Variants in PRKN observed in about 807,000 individuals in gnomAD.
The protein encoded by PRKN is E3 ubiquitin-protein ligase parkin.
In PRKN, 56 loss-of-function variants were observed where a neutral mutation model predicts 59.5. The observed-to-expected ratio is 0.94, with a 90% CI of 0.76 to 1.18. PRKN has a LOEUF of 1.18. PRKN is among the 50% of genes most tolerant of loss of function. PRKN has a pLI of 0.00. For synonymous variants in PRKN, 250 were observed against 222.1 expected (o/e 1.13, Z -1.12); for missense variants, 657 against 596.4 (o/e 1.10, Z -1.06).
intron 1 of PRKN, among the ~76,000 whole-genome samples, chr6:162,475,989 C>T (rs62428771): frequency 0.31 from 46,198 of 150,344 alleles, 7,299 homozygotes; most frequent in East Asian, 0.48. Context: ...CCTCGTGAGC[C>T]GCCTGCCTTG....
chr6:161,667,998 T>C (rs796203794), intron 7 of PRKN, among the ~76,000 whole-genome samples: 17 of 152,298 alleles, frequency 1.1e-4, no homozygotes, highest in African/African-American at 3.8e-4. Context: ...CTTACATGAA[T>C]GTATGGATTA....
At chr6:162,331,086 T>C (rs1006186003) in intron 2 of PRKN, among the ~76,000 whole-genome samples, 2 of 151,950 alleles carry the variant, frequency 1.3e-5, no homozygotes, top group African/African-American at 4.8e-5. Flanking sequence ...CCCAGCACTT[T>C]GGGAGGCCAA....
Position 161,446,989 on chromosome 6 carries a change from T to C in PRKN, c.1084-60112A>G, listed in dbSNP as rs998891105. ...CCCAGGTGAAAAAGTGGGCTTTTTT[T>C]CCCCCTTAAGGCTAAATAGGATTTC... On this transcript the variant is annotated intron_variant, in intron 9 of 11. Coordinates refer to ENST00000366898, the MANE Select transcript of PRKN (RefSeq NM_004562.3). The surrounding 1 kb of genome is among the most constrained non-coding windows in gnomAD (Gnocchi z 6.2). 3.9e-5 allele frequency among the ~76,000 whole-genome samples: 6 copies of C among 152,190 alleles called. No homozygotes were observed. Among genetic ancestry groups the C allele is most frequent in the South Asian group, 2.1e-4 (1 of 4,834 alleles).
At position 161,527,285 on chromosome 6, in the gene PRKN, C is replaced by A. The variant is rs1779049124; in HGVS notation, c.1083+21569G>T. On this transcript the variant is annotated intron_variant, in intron 9 of 11. Coordinates refer to ENST00000366898, the MANE Select transcript of PRKN (RefSeq NM_004562.3). The surrounding 1 kb of genome is among the most constrained non-coding windows in gnomAD (Gnocchi z 4.6). The stretch of plus-strand genomic sequence containing the variant: ...GAAGTACATTCTGGGGTGGCATGTT[C>A]TGGTCTCCTACCATCATATTTTGGG... 6.6e-6 allele frequency among the ~76,000 whole-genome samples: 1 copy of A among 152,190 alleles called. No homozygotes were observed. The highest frequency in any genetic ancestry group is 2.4e-5 in the African/African-American group (1 of 41,446).
chr6:161,511,379 C>A lies in PRKN; in HGVS notation c.1083+37475G>T, dbSNP rs146282506. On this transcript the variant is annotated intron_variant, in intron 9 of 11. Coordinates refer to ENST00000366898, the MANE Select transcript of PRKN (RefSeq NM_004562.3). ...TGATGCTTGGTATTTATCAGTTTTC[C>A]CTTCCAATAGAATATAAACCGCACG... Among the ~76,000 whole-genome samples, 75 of 152,216 alleles carry A rather than the reference C, an allele frequency of 4.9e-4. 1 individual carries two copies. In the East Asian group the frequency reaches 0.014, roughly 28 times the overall value.
At chr6:162,141,326 T>C (rs1335714603) in intron 4 of PRKN, among the ~76,000 whole-genome samples, 1 of 152,130 alleles carries the variant, frequency 6.6e-6, no homozygotes, top group Non-Finnish European at 1.5e-5. Context: ...GATTCAAAAC[T>C]TTGAAAGTAT....
chr6:162,149,682 G>C (rs1043682684), intron 4 of PRKN, among the ~76,000 whole-genome samples: 1 of 152,150 alleles, frequency 6.6e-6, no homozygotes, highest in African/African-American at 2.4e-5. Context: ...AGTCTCCAGG[G>C]TCTGGTAGTT....
chr6:162,276,689 TGG>T, intron 2 of PRKN, among the ~76,000 whole-genome samples: 1 of 93,308 alleles, frequency 1.1e-5, no homozygotes, highest in East Asian at 7.5e-4. Context: ...TAACAGAAGC[TGG>T]TGTGTGTGTG....
rs558074819 is a variant in PRKN, at chr6:162,183,075, C to A, written c.534+18056G>T. Among the ~76,000 whole-genome samples, 10 of 152,138 alleles carry A rather than the reference C, an allele frequency of 6.6e-5. No individual in the cohort carries two copies. In the South Asian group the frequency reaches 2.1e-3, roughly 32 times the overall value. On this transcript the variant is annotated intron_variant, in intron 4 of 11. Transcript: ENST00000366898. Reference sequence around the variant, plus strand: ...TTAATGTATATTTGCATTTCATTGACAAAATAACATTTTCCATAACCATGT... The same window carrying A: ...TTAATGTATATTTGCATTTCATTGAAAAAATAACATTTTCCATAACCATGT...
intron 2 of PRKN, among the ~76,000 whole-genome samples, chr6:162,429,064 T>C (rs1271355836): frequency 1.3e-5 from 2 of 152,224 alleles, no homozygotes; most frequent in Non-Finnish European, 1.5e-5. Flanking sequence ...CCATTTTTAT[T>C]GCTTTACTTG....
intron 9 of PRKN, among the ~76,000 whole-genome samples, chr6:161,474,032 T>C (rs563809490): frequency 2.6e-4 from 40 of 152,122 alleles, no homozygotes; most frequent in Non-Finnish European, 4.6e-4. Flanking sequence ...GAGCAGAATA[T>C]AAGTTCTCTG....
At chr6:161,737,684 G>C (rs557770122) in intron 7 of PRKN, among the ~76,000 whole-genome samples, 160 of 152,262 alleles carry the variant, frequency 1.1e-3, no homozygotes, top group Non-Finnish European at 2.2e-3. Context: ...GAGTGGCAGG[G>C]CCTTGGACTG....
intron 6 of PRKN, among the ~76,000 whole-genome samples, chr6:161,877,461 A>ATTTTTTTT: frequency 7.1e-6 from 1 of 141,338 alleles, no homozygotes; most frequent in South Asian, 2.3e-4. Flanking sequence ...ACATATTTGC[A>ATTTTTTTT]TTTTTTTTTT....
At chr6:162,115,589 T>C (rs1364208315) in intron 4 of PRKN, among the ~76,000 whole-genome samples, 1 of 151,680 alleles carries the variant, frequency 6.6e-6, no homozygotes, top group African/African-American at 2.4e-5. Flanking sequence ...TTTTAAAATA[T>C]TTCCCAAGTG....
chr6:161,582,785 A>G lies in PRKN; in HGVS notation c.872-13369T>C, dbSNP rs1215885377. 6.6e-6 allele frequency among the ~76,000 whole-genome samples: 1 copy of G among 152,180 alleles called. No homozygotes were observed. The highest frequency in any genetic ancestry group is 1.9e-4 in the East Asian group (1 of 5,192). On this transcript the variant is annotated intron_variant, in intron 7 of 11. Transcript: ENST00000366898. This position sits in a 1 kb window ranked among gnomAD's most constrained non-coding sequence, Gnocchi z 4.4. Reference sequence around the variant, plus strand: ...ATGAAACCAGACGTAAGTGTCATACATGCATGAATTGAGTTCAGAGCTGTC... The same window carrying G: ...ATGAAACCAGACGTAAGTGTCATACGTGCATGAATTGAGTTCAGAGCTGTC...
intron 4 of PRKN, among the ~76,000 whole-genome samples, chr6:162,054,690 C>T (rs117874329): frequency 4.6e-5 from 7 of 152,086 alleles, no homozygotes; most frequent in African/African-American, 7.2e-5. Flanking sequence ...CGAGGGGGTG[C>T]GCAGCAAGCT....
intron 5 of PRKN, among the ~76,000 whole-genome samples, chr6:162,010,222 A>G (rs1782440327): frequency 8.2e-6 from 1 of 121,770 alleles, no homozygotes; most frequent in East Asian, 2.0e-4. Context: ...TTATATATAC[A>G]TAATATATAT....
chr6:161,490,345 C>T (rs1777505640), intron 9 of PRKN, among the ~76,000 whole-genome samples: 1 of 150,338 alleles, frequency 6.7e-6, no homozygotes, highest in Non-Finnish European at 1.5e-5. Flanking sequence ...TGCTTTCTCT[C>T]TCTCTCTCTC....
chr6:161,874,735 CTATA>C (rs1325620917), intron 6 of PRKN, among the ~76,000 whole-genome samples: 6 of 47,728 alleles, frequency 1.3e-4, no homozygotes, highest in South Asian at 1.5e-3. Context: ...ATAAAATGTA[CTATA>C]TATAAAATAT....
Sources: gnomAD v4.1 joint callset for allele counts (sites outside exome capture counted in the v4.1 genomes callset) on GRCh38, gnomAD v4.1.1 for gene constraint, Gnocchi (gnomAD v3.1) non-coding constraint, MANE v1.5 for transcripts, NCBI Gene and HGNC (gene_info 2026-07-23, HGNC 2026-07-21) for gene names.